TUBA3D: variants seen among roughly 807,000 people sequenced by gnomAD.
TUBA3D encodes the protein tubulin alpha-3D chain.
Under a neutral mutation model 36.1 loss-of-function variants are expected in TUBA3D, and 24 were observed. That is an observed-to-expected ratio of 0.66 (90% CI 0.48 to 0.93). The LOEUF (loss-of-function observed/expected upper bound fraction) is 0.93. Among genes scored for constraint, TUBA3D ranks in the 40% least tolerant of loss-of-function variants. The probability of loss-of-function intolerance (pLI) is 0.00; values close to 1 mark genes in which losing one functional copy is unlikely to be tolerated. For synonymous variants in TUBA3D, 185 were observed against 247.2 expected, an observed-to-expected ratio of 0.75 and a Z score of 2.36; for missense variants, 356 against 614.5, an observed-to-expected ratio of 0.58 and a Z score of 4.45.
At chr2:131,478,106 C>T (rs1678735630) in intron 1 of TUBA3D, 58 bp from the exon 2 acceptor site, 17 of 1,578,096 alleles carry the variant, frequency 1.1e-5, no homozygotes, top group Non-Finnish European at 1.4e-5. Flanking sequence ...TTTTGCATGC[C>T]ATATAGTTTC....
intron 1 of TUBA3D, among the ~76,000 whole-genome samples, chr2:131,477,385 A>T (rs1427370735): frequency 6.6e-6 from 1 of 152,170 alleles, no homozygotes; most frequent in Non-Finnish European, 1.5e-5. Context: ...CCCAGCACTA[A>T]TGACGTCTGG....
chr2:131,477,220 T>C (rs1007186242), intron 1 of TUBA3D, among the ~76,000 whole-genome samples: 3 of 151,408 alleles, frequency 2.0e-5, no homozygotes, highest in African/African-American at 7.3e-5. Context: ...AGATTTTTCA[T>C]AGGGACAGGG....
intron 1 of TUBA3D, 28 bp from the exon 2 acceptor site, chr2:131,478,136 G>A (rs766494367): frequency 1.3e-6 from 2 of 1,598,430 alleles, no homozygotes; most frequent in Non-Finnish European, 1.7e-6. Flanking sequence ...TGAAATGAAT[G>A]GGTTCACTTT....
At chr2:131,476,320 G>T (rs1355768920) in intron 1 of TUBA3D, 118 bp downstream of exon 1, 1 of 1,551,746 alleles carries the variant, frequency 6.4e-7, no homozygotes, top group East Asian at 2.3e-5. Flanking sequence ...AAGGACGCAG[G>T]GTCTAGTGCG....
In TUBA3D at chr2:131,482,637, C is replaced by T. The variant is rs746204985; in HGVS notation, c.1142C>T (p.Thr381Ile). Residue 381 changes from threonine to isoleucine, a missense_variant, in exon 5 of 5, where the codon ACC becomes ATC. Transcript: ENST00000321253. ...VQRAVCMLSN[T>I]TAIAEAWARL... ...CGGGCCGTGTGCATGCTGAGCAACA[C>T]CACGGCCATTGCGGAGGCCTGGGCC... 1.3e-5 allele frequency: 21 copies of T among 1,614,216 alleles called. No individual in the cohort carries two copies. The South Asian group carries it at 2.2e-4, about 17-fold the overall frequency.
Position 131,479,455 on chromosome 2 carries a change from T to C in TUBA3D, c.374T>C (p.Leu125Pro), listed in dbSNP as rs1678777528. 1 of 1,613,688 alleles carries C rather than the reference T, an allele frequency of 6.2e-7. No individual in the cohort carries two copies. Among genetic ancestry groups the C allele is most frequent in the Admixed American group, 1.7e-5 (1 of 59,970 alleles). ...VDLVLDRIRK[L>P]ADLCTGLQGF... ...CTAGTCCTGGACCGGATCCGCAAAC[T>C]GGTAAGAAGAGAAGGTTTCATGTGG... is the stretch of plus-strand genomic sequence containing the variant. Residue 125 changes from leucine (L) to proline (P), a missense_variant and splice_region_variant, in exon 3 of 5, where the codon CTG becomes CCG. Physicochemically the swap from Leu to Pro is moderately conservative, Grantham distance 98. Coordinates refer to ENST00000321253, the MANE Select transcript of TUBA3D (RefSeq NM_080386.4).
rs769863769 is a variant in TUBA3D at position 131,476,227 on chromosome 2, C to T, written c.3+25C>T. On this transcript the variant is annotated intron_variant, in intron 1 of 4. Transcript: ENST00000321253. The stretch of plus-strand genomic sequence containing the variant: ...GGTAAGGCCCGGGTCACTCCCGCCC[C>T]GCAGATGCCCAGGCAGACGAAGTTG... 10 of 1,613,780 alleles carry T rather than the reference C, an allele frequency of 6.2e-6. No homozygotes were observed. In the East Asian group the frequency reaches 2.0e-4, roughly 32 times the overall value.
At chr2:131,478,013 G>A in intron 1 of TUBA3D, 151 bp from the exon 2 acceptor site, 1 of 995,888 alleles carries the variant, frequency 1.0e-6, no homozygotes. Context: ...AGCGATAAAG[G>A]GATCAGTCAC....
chr2:131,479,977 T>C, intron 3 of TUBA3D, 92 bp from the exon 4 acceptor site: 1 of 1,473,358 alleles, frequency 6.8e-7, no homozygotes, highest in Non-Finnish European at 9.1e-7. Context: ...CCATATCAAC[T>C]CTTTAGAGGC....
At position 131,480,655 on chromosome 2, in the gene TUBA3D, G is replaced by C; in HGVS notation, c.962G>C (p.Gly321Ala). ...KYMACCMLYR[G>A]DVVPKDVNAA... The stretch of plus-strand genomic sequence containing the variant: ...ATGGCCTGCTGCATGTTGTACAGGG[G>C]GGACGTGGTCCCCAAAGACGTCAAC... The change falls in exon 4 of 5, where the codon GGG becomes GCG. Residue 321 changes from glycine (G) to alanine (A), a missense_variant. Transcript: ENST00000321253. The C allele has an allele frequency of 6.2e-7, 1 of 1,613,806 alleles. No individual in the cohort carries two copies. Among genetic ancestry groups the C allele is most frequent in the South Asian group, 1.1e-5 (1 of 91,080 alleles).
chr2:131,480,140 C>T lies in TUBA3D; in HGVS notation c.447C>T (p.Phe149=), dbSNP rs748811977. 27 of 1,613,536 alleles carry T rather than the reference C, an allele frequency of 1.7e-5. No homozygotes were observed. The highest frequency in any genetic ancestry group is 1.3e-4 in the Admixed American group (8 of 59,954). Residue 149 remains phenylalanine, a synonymous_variant, in exon 4 of 5, where the codon TTC becomes TTT. Coordinates refer to ENST00000321253, the MANE Select transcript of TUBA3D (RefSeq NM_080386.4). ...HSFGGGTGSG[F]ASLLMERLSV... is the part of the protein sequence containing the mutation. The stretch of plus-strand genomic sequence containing the variant: ...TTGGGGGCGGCACTGGCTCTGGGTT[C>T]GCATCTCTGCTCATGGAGCGGCTCT...
At chr2:131,479,541 A>C in intron 3 of TUBA3D, 85 bp downstream of exon 3, 1 of 1,579,150 alleles carries the variant, frequency 6.3e-7, no homozygotes, top group African/African-American at 1.3e-5. Flanking sequence ...TTTTATCAAC[A>C]CTTAGACCAG....
chr2:131,479,074 G>A (rs116727903), intron 2 of TUBA3D, among the ~76,000 whole-genome samples: 2,490 of 152,352 alleles, frequency 0.016, 70 homozygotes, highest in African/African-American at 0.057. Flanking sequence ...GGAACTGGTT[G>A]TGCTGACATT....
chr2:131,478,642 G>C lies in TUBA3D; in HGVS notation c.226+256G>C, dbSNP rs573158254. The C allele has an allele frequency of 2.0e-5, 14 of 700,768 alleles. No individual in the cohort carries two copies. The East Asian group carries it at 3.7e-4, about 18-fold the overall frequency. The allele number at this position is 700,768 out of a possible 1,614,324, so 43.4% of individuals were successfully genotyped here. ...AGATGGGCTGTGAAGAGATTCCCTC[G>C]TGCGTGCCTCAGCCCTGCTCAGGTG... On this transcript the variant is annotated intron_variant, in intron 2 of 4. Transcript: ENST00000321253.
intron 1 of TUBA3D, 95 bp from the exon 2 acceptor site, chr2:131,478,069 G>A: frequency 1.9e-5 from 28 of 1,490,930 alleles, no homozygotes; most frequent in Non-Finnish European, 2.5e-5. Flanking sequence ...AGATACTGAA[G>A]CAGTATATAA....
chr2:131,478,036 G>A, intron 1 of TUBA3D, 128 bp from the exon 2 acceptor site: 1 of 1,306,384 alleles, frequency 7.7e-7, no homozygotes, highest in Non-Finnish European at 1.0e-6. Context: ...ACCCTCCTAG[G>A]AAATATCGAT....
At position 131,479,247 on chromosome 2, in the gene TUBA3D, T is replaced by C. The variant is rs1678769072; in HGVS notation, c.227-61T>C. On this transcript the variant is annotated intron_variant, in intron 2 of 4. Coordinates refer to ENST00000321253, the MANE Select transcript of TUBA3D (RefSeq NM_080386.4). ...TCTGTAGAAGTGAACACTCCTGGAA[T>C]GTGTCCATCTTGGTGAGTACAGGCC... The C allele has an allele frequency of 6.3e-6, 10 of 1,581,460 alleles. No homozygotes were observed. In the Admixed American group the frequency reaches 1.7e-4, roughly 27 times the overall value.
intron 1 of TUBA3D, 90 bp downstream of exon 1, chr2:131,476,292 G>A (rs1436065451): frequency 1.1e-4 from 175 of 1,600,222 alleles, no homozygotes; most frequent in South Asian, 2.2e-5. Flanking sequence ...GGGCCTGGGC[G>A]CTGAGAGGAG....
rs763805431 is a variant in TUBA3D, at chr2:131,480,511, C to G, written c.818C>G (p.Ala273Gly). The change falls in exon 4 of 5, where the codon GCC (alanine) becomes GGC (glycine). Residue 273 changes from alanine to glycine, a missense_variant. By Grantham distance (60) the Ala-to-Gly change is moderately conservative. Around this residue, in one of 3 missense-constraint regions of TUBA3D, gnomAD observed 91 missense variants for 240.9 expected, o/e 0.38. Coordinates refer to ENST00000321253, the MANE Select transcript of TUBA3D (RefSeq NM_080386.4). ...ATCCACTTCCCCCTGGCCACCTATG[C>G]CCCAGTCATCTCAGCTGAGAAGGCC... The part of the protein sequence containing the change: ...PRIHFPLATY[A>G]PVISAEKAYH... 6.3e-7 allele frequency: 1 copy of G among 1,597,674 alleles called. No homozygotes were observed. Among genetic ancestry groups the G allele is most frequent in the Admixed American group, 1.7e-5 (1 of 59,676 alleles).
Sources: gnomAD v4.1 joint callset for allele counts (sites outside exome capture counted in the v4.1 genomes callset) on GRCh38, gnomAD v4.1.1 for gene constraint, gnomAD v4.1.1 regional missense constraint, MANE v1.5 for transcripts, NCBI Gene and HGNC (gene_info 2026-07-23, HGNC 2026-07-21) for gene names.